Variants in PPTC7 observed in about 807,000 individuals in gnomAD.
The protein encoded by PPTC7 is protein phosphatase PTC7 homolog.
A neutral mutation model predicts 30.8 loss-of-function variants in PPTC7; 6 were observed. That is an observed-to-expected ratio of 0.19 (90% CI 0.11 to 0.38). The LOEUF (loss-of-function observed/expected upper bound fraction) is 0.38, where lower values mean the gene tolerates loss of function less well. Among genes scored for constraint, PPTC7 ranks in the 10% least tolerant of loss-of-function variants. The probability of loss-of-function intolerance (pLI) is 1.00; values close to 1 mark genes in which losing one functional copy is unlikely to be tolerated. For synonymous variants in PPTC7, 163 were observed against 168.1 expected (o/e 0.97, Z 0.23); for missense variants, 218 against 404.8 (o/e 0.54, Z 3.96).
At chr12:110,552,628 G>C (rs559129593) in intron 1 of PPTC7, among the ~76,000 whole-genome samples, 14 of 152,370 alleles carry the variant, frequency 9.2e-5, no homozygotes, top group African/African-American at 2.6e-4. Flanking sequence ...ACTCTGGGAG[G>C]CCGAGGCGGG....
chr12:110,574,334 A>G (rs1208358930), intron 1 of PPTC7, among the ~76,000 whole-genome samples: 1 of 152,054 alleles, frequency 6.6e-6, no homozygotes, highest in African/African-American at 2.4e-5. Context: ...AGATTAAATA[A>G]GGTAAAACAT....
intron 1 of PPTC7, among the ~76,000 whole-genome samples, 161 bp downstream of exon 1, chr12:110,582,648 C>G (rs2064648139): frequency 6.6e-6 from 1 of 152,184 alleles, no homozygotes; most frequent in Non-Finnish European, 1.5e-5. Flanking sequence ...GGAAAACGCG[C>G]CTCGGAGCGC....
intron 2 of PPTC7, chr12:110,546,299 A>G (rs1256344091): frequency 7.3e-6 from 4 of 545,444 alleles, no homozygotes; most frequent in Non-Finnish European, 1.3e-5. Context: ...ATACATAGTA[A>G]TTGGGCCACA....
chr12:110,563,528 TC>T (rs1234002556), intron 1 of PPTC7, among the ~76,000 whole-genome samples: 1 of 151,500 alleles, frequency 6.6e-6, no homozygotes, highest in Non-Finnish European at 1.5e-5. Context: ...GGCAGTAGAA[TC>T]CCTTGAACCT....
intron 1 of PPTC7, among the ~76,000 whole-genome samples, chr12:110,581,612 A>C (rs1197691006): frequency 3.3e-5 from 5 of 152,196 alleles, no homozygotes; most frequent in Admixed American, 6.5e-5. Context: ...TCTTCAACCC[A>C]GGTAATGGGG....
In PPTC7 at chr12:110,559,420, T is replaced by C. The variant is rs570899289; in HGVS notation, c.224-7452A>G. 1.1e-4 allele frequency among the ~76,000 whole-genome samples: 16 copies of C among 152,028 alleles called. No individual in the cohort carries two copies. The East Asian group carries it at 3.1e-3, about 29-fold the overall frequency. On this transcript the variant is annotated intron_variant, in intron 1 of 5. Coordinates refer to ENST00000354300, the MANE Select transcript of PPTC7 (RefSeq NM_139283.2). ...TTTATAAGAAGAAAAAAATTTTTTTTTTTTTTTAAGAAATGGGGTCTCGGG... is the reference window on the plus strand; with the variant it reads ...TTTATAAGAAGAAAAAAATTTTTTTCTTTTTTTAAGAAATGGGGTCTCGGG...
intron 1 of PPTC7, among the ~76,000 whole-genome samples, chr12:110,565,023 C>G (rs774502669): frequency 1.3e-5 from 2 of 151,138 alleles, no homozygotes; most frequent in African/African-American, 2.4e-5. Flanking sequence ...TACAGGCACC[C>G]GTCACCATGC....
chr12:110,580,167 G>A lies in PPTC7; in HGVS notation c.223+2642C>T, dbSNP rs901912743. Among the ~76,000 whole-genome samples the A allele has an allele frequency of 2.0e-5, 3 of 152,104 alleles. No homozygotes were observed. The East Asian group carries it at 5.8e-4, about 29-fold the overall frequency. ...GAGACTCAAGAGAGACTCTGCCCAA[G>A]ACCACAAATCACAGAGCTACTAAGT... On this transcript the variant is annotated intron_variant, in intron 1 of 5. Transcript: ENST00000354300.
rs2064212900 is a variant in PPTC7, at chr12:110,535,634, A to G, written c.*1403T>C. 1 of 152,562 alleles carries G rather than the reference A, an allele frequency of 6.6e-6. No individual in the cohort carries two copies. The highest frequency in any genetic ancestry group is 2.4e-5 in the African/African-American group (1 of 41,448). The allele number at this position is 152,562 out of a possible 1,614,324, so 9.5% of individuals were successfully genotyped here. The stretch of plus-strand genomic sequence containing the variant: ...ATCAGGTTTAATTGCATTCTCATCT[A>G]TACACCAATGTTACCTGACTTATAT... On this transcript the variant is annotated 3_prime_UTR_variant, in exon 6 of 6. Transcript: ENST00000354300.
chr12:110,536,978 G>A lies in PPTC7; in HGVS notation c.*59C>T, dbSNP rs2064222869. The A allele has an allele frequency of 7.7e-7, 1 of 1,297,252 alleles. No individual in the cohort carries two copies. The highest frequency in any genetic ancestry group is 1.1e-6 in the Non-Finnish European group (1 of 892,208). The allele number at this position is 1,297,252 out of a possible 1,614,324, so 80.4% of individuals were successfully genotyped here. A position where few individuals can be genotyped will look rare whatever the true frequency, so the allele number is the denominator to read the frequency against. ...AAATGTGGTCCTGCCAGCAGGATCA[G>A]CACACATGGCAGGGGAAATTTGGGA... On this transcript the variant is annotated 3_prime_UTR_variant, in exon 6 of 6. Transcript: ENST00000354300.
chr12:110,576,135 C>T (rs1429988651), intron 1 of PPTC7, among the ~76,000 whole-genome samples: 1 of 152,080 alleles, frequency 6.6e-6, no homozygotes, highest in Non-Finnish European at 1.5e-5. Context: ...TCCACTCACA[C>T]TTCCTTATTA....
intron 5 of PPTC7, 111 bp from the exon 6 acceptor site, chr12:110,537,206 G>A: frequency 1.2e-6 from 1 of 825,458 alleles, no homozygotes; most frequent in South Asian, 1.6e-5. Context: ...GGCAGTTTTG[G>A]TTTGTCAGTA....
At chr12:110,580,823 C>G (rs896194617) in intron 1 of PPTC7, among the ~76,000 whole-genome samples, 1 of 152,050 alleles carries the variant, frequency 6.6e-6, no homozygotes, top group Non-Finnish European at 1.5e-5. Flanking sequence ...ACGATCTTGG[C>G]TCACTGAAGC....
At chr12:110,543,771 T>G (rs2135764113) in intron 3 of PPTC7, among the ~76,000 whole-genome samples, 1 of 152,312 alleles carries the variant, frequency 6.6e-6, no homozygotes, top group African/African-American at 2.4e-5. Flanking sequence ...GCTGGAAACT[T>G]TTGACCGCAC....
chr12:110,563,221 A>G (rs975990797), intron 1 of PPTC7, among the ~76,000 whole-genome samples: 1 of 152,074 alleles, frequency 6.6e-6, no homozygotes, highest in African/African-American at 2.4e-5. Context: ...TTCTCCAGAG[A>G]TCAAGACTAC....
intron 5 of PPTC7, among the ~76,000 whole-genome samples, chr12:110,537,366 T>C (rs1179784578): frequency 6.6e-6 from 1 of 152,184 alleles, no homozygotes; most frequent in Non-Finnish European, 1.5e-5. Flanking sequence ...CCACACCCTC[T>C]GTTCACATCA....
At chr12:110,558,710 C>A (rs1017303982) in intron 1 of PPTC7, among the ~76,000 whole-genome samples, 1 of 151,556 alleles carries the variant, frequency 6.6e-6, no homozygotes, top group African/African-American at 2.4e-5. Flanking sequence ...ACTGCAACCT[C>A]CGCTTCCCAG....
At chr12:110,549,372 A>T (rs1386683243) in intron 2 of PPTC7, among the ~76,000 whole-genome samples, 1 of 151,330 alleles carries the variant, frequency 6.6e-6, no homozygotes, top group Non-Finnish European at 1.5e-5. Context: ...CAGTTGCTGG[A>T]TTAAAAAAAA....
chr12:110,544,036 T>C (rs2135764391), intron 3 of PPTC7, among the ~76,000 whole-genome samples: 1 of 152,302 alleles, frequency 6.6e-6, no homozygotes, highest in African/African-American at 2.4e-5. Flanking sequence ...TTCAGAGTTC[T>C]CCCCACTCCA....
Sources: allele counts gnomAD v4.1 joint callset (sites outside exome capture counted in the v4.1 genomes callset), GRCh38; gene constraint gnomAD v4.1.1; transcripts MANE v1.5; gene names NCBI Gene and HGNC (gene_info 2026-07-23, HGNC 2026-07-21).